TUSC3: variants seen among roughly 807,000 people sequenced by gnomAD.
TUSC3 encodes the protein dolichyl-diphosphooligosaccharide--protein glycosyltransferase subunit TUSC3.
A neutral mutation model predicts 44.8 loss-of-function variants in TUSC3; 45 were observed. The observed-to-expected ratio is 1.00, with a 90% CI of 0.79 to 1.29. The LOEUF is 1.29. Among genes scored for constraint, TUSC3 ranks in the 50% most tolerant of loss-of-function variants. TUSC3 has a pLI of 0.00. For synonymous variants in TUSC3, 212 were observed against 152.9 expected (o/e 1.39, Z -2.85); for missense variants, 519 against 437.9 (o/e 1.19, Z -1.65).
the TUSC3 span, among the ~76,000 whole-genome samples, chr8:15,833,817 C>G: frequency 1.4e-5 from 2 of 146,968 alleles, no homozygotes; most frequent in African/African-American, 5.0e-5. Flanking sequence ...AACAAACATG[C>G]ACATGTACCC....
At chr8:15,682,396 G>A (rs761508491) in intron 6 of TUSC3, among the ~76,000 whole-genome samples, 44 of 152,134 alleles carry the variant, frequency 2.9e-4, no homozygotes, top group Non-Finnish European at 3.5e-4. Flanking sequence ...TGGATGAATC[G>A]AACTCTTTAT....
At chr8:15,595,842 T>G (rs1804045364) in intron 1 of TUSC3, among the ~76,000 whole-genome samples, 1 of 152,204 alleles carries the variant, frequency 6.6e-6, no homozygotes, top group South Asian at 2.1e-4. Context: ...TTTTTTGTCT[T>G]ACAAGTTGTA....
chr8:15,846,503 T>C, the TUSC3 span, among the ~76,000 whole-genome samples: 1 of 152,102 alleles, frequency 6.6e-6, no homozygotes, highest in Non-Finnish European at 1.5e-5. Flanking sequence ...GTTGCAAATA[T>C]ACACCAAGGA....
chr8:15,785,689 A>T, the TUSC3 span, among the ~76,000 whole-genome samples: 2 of 152,116 alleles, frequency 1.3e-5, no homozygotes, highest in Non-Finnish European at 2.9e-5. Context: ...ATTTAAAGAG[A>T]TGGACAATAA....
At chr8:15,646,946 A>T (rs1280233607) in intron 2 of TUSC3, among the ~76,000 whole-genome samples, 1 of 152,066 alleles carries the variant, frequency 6.6e-6, no homozygotes, top group Admixed American at 6.5e-5. Context: ...ACTAAATAAC[A>T]TCTTTGTGTT....
chr8:15,735,144 A>C (rs1810877529), intron 7 of TUSC3, among the ~76,000 whole-genome samples: 1 of 152,058 alleles, frequency 6.6e-6, no homozygotes, highest in Non-Finnish European at 1.5e-5. Context: ...CTCCTGTAAT[A>C]ATATTAAGGA....
intron 1 of TUSC3, among the ~76,000 whole-genome samples, chr8:15,600,128 G>A (rs1269113652): frequency 2.0e-5 from 3 of 151,706 alleles, no homozygotes; most frequent in Non-Finnish European, 3.0e-5. Flanking sequence ...CATGGACAAT[G>A]CTTTTTAAAA....
intron 2 of TUSC3, among the ~76,000 whole-genome samples, chr8:15,515,938 G>A (rs896633087): frequency 6.6e-6 from 1 of 151,982 alleles, no homozygotes; most frequent in African/African-American, 2.4e-5. Context: ...TAAAGTGCTG[G>A]GATTAGAGGC....
intron 3 of TUSC3, among the ~76,000 whole-genome samples, chr8:15,651,594 G>C (rs1203733806): frequency 6.6e-6 from 1 of 152,198 alleles, no homozygotes; most frequent in Admixed American, 6.5e-5. Flanking sequence ...GAGAAAAGGG[G>C]CATGTTAGAA....
At position 15,730,731 on chromosome 8, in the gene TUSC3, T is replaced by C. The variant is rs1424977896; in HGVS notation, c.862+2T>C. ...AATCACACATTATTCTGGTACTGAG[T>C]ATCCTTTTAAGATACCGACGAATTG... On this transcript the variant is annotated splice_donor_variant, in intron 7 of 10. Coordinates refer to ENST00000503731, the MANE Select transcript of TUSC3 (RefSeq NM_006765.4). LOFTEE classifies it high-confidence loss of function. The C allele has an allele frequency of 1.2e-6, 2 of 1,612,744 alleles. No homozygotes were observed. Among genetic ancestry groups the C allele is most frequent in the Non-Finnish European group, 1.7e-6 (2 of 1,179,218 alleles).
chr8:15,677,196 C>T (rs539347079), intron 6 of TUSC3, among the ~76,000 whole-genome samples: 8 of 152,006 alleles, frequency 5.3e-5, no homozygotes, highest in Non-Finnish European at 7.4e-5. Flanking sequence ...AATAGGGTCT[C>T]ACTGTGTTGT....
intron 1 of TUSC3, among the ~76,000 whole-genome samples, chr8:15,560,957 C>A (rs1239282108): frequency 6.1e-4 from 58 of 94,478 alleles, no homozygotes; most frequent in African/African-American, 2.1e-3. Context: ...GAATGTCCTC[C>A]TGTAGCTGAG....
the TUSC3 span, among the ~76,000 whole-genome samples, chr8:15,850,630 T>C: frequency 6.6e-6 from 1 of 152,152 alleles, no homozygotes; most frequent in Non-Finnish European, 1.5e-5. Flanking sequence ...GTTCTATTTG[T>C]CCACCCTAAA....
intron 1 of TUSC3, among the ~76,000 whole-genome samples, chr8:15,452,426 G>A (rs760925932): frequency 3.3e-5 from 5 of 152,116 alleles, no homozygotes; most frequent in Admixed American, 2.6e-4. Context: ...AATTCATATG[G>A]AATTTACCTT....
chr8:15,691,161 G>T (rs1047435291), intron 6 of TUSC3, among the ~76,000 whole-genome samples: 1 of 151,770 alleles, frequency 6.6e-6, no homozygotes, highest in African/African-American at 2.4e-5. Flanking sequence ...CCATTTGTTT[G>T]TATCATCTCT....
the TUSC3 span, among the ~76,000 whole-genome samples, chr8:15,791,557 A>G: frequency 1.3e-5 from 2 of 152,278 alleles, no homozygotes; most frequent in African/African-American, 4.8e-5. Context: ...ATACTGCTCC[A>G]TCATTGGCCA....
At chr8:15,747,931 A>G (rs1221449225) in intron 8 of TUSC3, among the ~76,000 whole-genome samples, 1 of 152,154 alleles carries the variant, frequency 6.6e-6, no homozygotes, top group Admixed American at 6.5e-5. Flanking sequence ...ATAGCATCGG[A>G]AAAGATCAAA....
rs1223012985 is a variant in TUSC3 at position 15,764,829 on chromosome 8, A to G, written c.*673A>G. ...TAAAGCAGTGTGCTTCAAAGGCATC[A>G]GACGATGAAAGCAACATACCACAAC... On this transcript the variant is annotated 3_prime_UTR_variant, in exon 11 of 11. Transcript: ENST00000503731. The G allele has an allele frequency of 6.6e-6, 1 of 152,144 alleles. No individual in the cohort carries two copies. Among genetic ancestry groups the G allele is most frequent in the African/African-American group, 2.4e-5 (1 of 41,432 alleles). 9.4% of individuals were successfully genotyped at this position (152,144 alleles called of 1,614,324 possible). A position where few individuals can be genotyped will look rare whatever the true frequency, so the allele number is the denominator to read the frequency against.
At chr8:15,651,225 C>G (rs1806890181) in intron 3 of TUSC3, among the ~76,000 whole-genome samples, 1 of 152,054 alleles carries the variant, frequency 6.6e-6, no homozygotes. Context: ...TGGTCTTATT[C>G]TGGCATTTAA....
Sources: allele counts gnomAD v4.1 joint callset (sites outside exome capture counted in the v4.1 genomes callset), GRCh38; gene constraint gnomAD v4.1.1; transcripts MANE v1.5; gene names NCBI Gene and HGNC (gene_info 2026-07-23, HGNC 2026-07-21).